Variants in CLSTN2 observed in about 807,000 individuals in gnomAD.
CLSTN2 encodes the protein calsyntenin-2.
A neutral mutation model predicts 101.2 loss-of-function variants in CLSTN2; 48 were observed. The observed-to-expected ratio is 0.47, with a 90% CI of 0.38 to 0.60. The LOEUF (loss-of-function observed/expected upper bound fraction) is 0.60. CLSTN2 is among the 20% of genes least tolerant of loss of function. CLSTN2 has a pLI of 0.00. For synonymous variants in CLSTN2, 481 were observed against 463.6 expected (o/e 1.04, Z -0.48); for missense variants, 1,160 against 1,238.2 (o/e 0.94, Z 0.95).
chr3:140,113,289 C>T (rs2009185015), intron 1 of CLSTN2, among the ~76,000 whole-genome samples: 1 of 152,192 alleles, frequency 6.6e-6, no homozygotes, highest in South Asian at 2.1e-4. Context: ...AGGCTGTGCT[C>T]CCCAAAGGTC....
chr3:140,344,977 A>G (rs546478206), intron 2 of CLSTN2, among the ~76,000 whole-genome samples: 2 of 152,254 alleles, frequency 1.3e-5, no homozygotes, highest in East Asian at 3.9e-4. Flanking sequence ...GGCCATTTGG[A>G]ATGAACCATA....
intron 1 of CLSTN2, among the ~76,000 whole-genome samples, chr3:140,136,237 C>T (rs548796663): frequency 7.2e-5 from 11 of 152,240 alleles, no homozygotes; most frequent in African/African-American, 1.7e-4. Flanking sequence ...TTAATTCTTG[C>T]GATATTTGTA....
At chr3:140,472,573 T>C (rs763915948) in intron 8 of CLSTN2, among the ~76,000 whole-genome samples, 19 of 152,224 alleles carry the variant, frequency 1.2e-4, no homozygotes, top group African/African-American at 4.6e-4. Context: ...CTTGGCTTCA[T>C]TGGGCATGTT....
intron 2 of CLSTN2, among the ~76,000 whole-genome samples, chr3:140,309,261 G>A (rs533745973): frequency 3.3e-4 from 51 of 152,276 alleles, no homozygotes; most frequent in African/African-American, 1.2e-3. Context: ...TTTCTCTGAG[G>A]AAGGCCAAGT....
chr3:140,433,576 C>T lies in CLSTN2; in HGVS notation c.787+12302C>T, dbSNP rs371591353. ...CAGCAGAGGATACAGCTTCAGAGTGCAGGCTCCGAAGCCAGAAAGACCCAG... is the reference window on the plus strand; with the variant it reads ...CAGCAGAGGATACAGCTTCAGAGTGTAGGCTCCGAAGCCAGAAAGACCCAG... On this transcript the variant is annotated intron_variant, in intron 5 of 16. Transcript: ENST00000458420. 1.4e-4 allele frequency among the ~76,000 whole-genome samples: 21 copies of T among 152,324 alleles called. No individual in the cohort carries two copies. The East Asian group carries it at 2.3e-3, about 17-fold the overall frequency.
chr3:140,037,287 T>C (rs575615893), intron 1 of CLSTN2, among the ~76,000 whole-genome samples: 1 of 152,320 alleles, frequency 6.6e-6, no homozygotes, highest in East Asian at 1.9e-4. Context: ...CTTTCAGCTA[T>C]CACATTACTT....
chr3:140,186,371 TTAAGGTTAATG>T (rs1468919437), intron 2 of CLSTN2, among the ~76,000 whole-genome samples: 3 of 152,192 alleles, frequency 2.0e-5, no homozygotes, highest in African/African-American at 7.2e-5. Flanking sequence ...ACATGAATTT[TTAAGGTTAATG>T]GTTTTACTTT....
At chr3:140,443,000 AG>A (rs1932994298) in intron 5 of CLSTN2, among the ~76,000 whole-genome samples, 1 of 152,200 alleles carries the variant, frequency 6.6e-6, no homozygotes, top group Non-Finnish European at 1.5e-5. Context: ...CCTCAGAGAA[AG>A]TCCTAAAAGA....
At chr3:140,252,564 C>A (rs1344780674) in intron 2 of CLSTN2, among the ~76,000 whole-genome samples, 2 of 152,154 alleles carry the variant, frequency 1.3e-5, no homozygotes, top group Non-Finnish European at 2.9e-5. Context: ...TCTTTATTTG[C>A]CAAAATCAGG....
At chr3:140,212,429 C>T (rs918874312) in intron 2 of CLSTN2, among the ~76,000 whole-genome samples, 3 of 152,220 alleles carry the variant, frequency 2.0e-5, no homozygotes, top group South Asian at 4.2e-4. Context: ...AGATAATTAC[C>T]AGTTGATTCT....
chr3:139,980,278 GTTC>G (rs1576384691), intron 1 of CLSTN2, among the ~76,000 whole-genome samples: 1 of 152,008 alleles, frequency 6.6e-6, no homozygotes, highest in Non-Finnish European at 1.5e-5. Flanking sequence ...CATCCACACT[GTTC>G]TTCTTGCACT....
chr3:140,105,262 A>G (rs531750822), intron 1 of CLSTN2, among the ~76,000 whole-genome samples: 8 of 152,242 alleles, frequency 5.3e-5, no homozygotes, highest in Non-Finnish European at 1.2e-4. Flanking sequence ...CCTGTTTATA[A>G]CTATGCTTAG....
At chr3:140,338,747 A>C (rs1196414225) in intron 2 of CLSTN2, among the ~76,000 whole-genome samples, 1 of 152,174 alleles carries the variant, frequency 6.6e-6, no homozygotes, top group South Asian at 2.1e-4. Flanking sequence ...CTAGTGGAAC[A>C]CACATCTTGG....
rs28411282 is a variant in CLSTN2, at chr3:140,557,274, C to T, written c.1823+613C>T. ...GGAAGGTAGAAGTGCAGTCATGCTG[C>T]ACCTAGAGTCGGGAGAAGGACTCAG... is the stretch of plus-strand genomic sequence containing the variant. On this transcript the variant is annotated intron_variant, in intron 11 of 16. Transcript: ENST00000458420. Among the ~76,000 whole-genome samples the T allele has an allele frequency of 2.1e-3, 318 of 152,148 alleles. 1 individual carries two copies. Among genetic ancestry groups the T allele is most frequent in the African/African-American group, 7.1e-3 (296 of 41,520 alleles).
At chr3:140,335,307 C>T (rs566339292) in intron 2 of CLSTN2, among the ~76,000 whole-genome samples, 1 of 152,300 alleles carries the variant, frequency 6.6e-6, no homozygotes, top group Non-Finnish European at 1.5e-5. Flanking sequence ...ATTTAAGAAT[C>T]GTGTACTATA....
At chr3:140,561,141 C>T (rs996949464) in intron 12 of CLSTN2, among the ~76,000 whole-genome samples, 2 of 151,714 alleles carry the variant, frequency 1.3e-5, no homozygotes, top group Admixed American at 6.6e-5. Context: ...ATATTTAGTA[C>T]ACTTTATAAA....
At chr3:140,175,111 C>G (rs921228984) in intron 1 of CLSTN2, among the ~76,000 whole-genome samples, 13 of 152,080 alleles carry the variant, frequency 8.5e-5, no homozygotes, top group African/African-American at 3.1e-4. Flanking sequence ...GATGCGGAAC[C>G]ACCCTAATGA....
chr3:140,380,992 G>C (rs543226692), intron 2 of CLSTN2, among the ~76,000 whole-genome samples: 1 of 152,296 alleles, frequency 6.6e-6, no homozygotes, highest in South Asian at 2.1e-4. Context: ...CAAACACTGG[G>C]TGGCTTAACC....
chr3:140,320,899 C>T (rs996980640), intron 2 of CLSTN2, among the ~76,000 whole-genome samples: 24 of 152,206 alleles, frequency 1.6e-4, no homozygotes, highest in African/African-American at 5.3e-4. Flanking sequence ...GAGTTTGTTA[C>T]GTTGGCTTGT....
Sources: allele counts gnomAD v4.1 joint callset (sites outside exome capture counted in the v4.1 genomes callset), GRCh38; gene constraint gnomAD v4.1.1; transcripts MANE v1.5; gene names NCBI Gene and HGNC (gene_info 2026-07-23, HGNC 2026-07-21).